Variants in PTK2 observed in about 807,000 individuals in gnomAD.
The protein encoded by PTK2 is focal adhesion kinase 1.
PTK2 carries 45 observed loss-of-function variants against 150.1 expected under a neutral mutation model. The ratio of observed to expected loss-of-function variants is 0.30; its 90% confidence interval spans 0.24 to 0.38. The LOEUF (loss-of-function observed/expected upper bound fraction) is 0.38. PTK2 is among the 10% of genes least tolerant of loss of function. The probability of loss-of-function intolerance (pLI) is 1.00; values close to 1 mark genes in which losing one functional copy is unlikely to be tolerated. For synonymous variants in PTK2, 432 were observed against 449.2 expected, an observed-to-expected ratio of 0.96 and a Z score of 0.48; for missense variants, 919 against 1,307.3, an observed-to-expected ratio of 0.70 and a Z score of 4.58.
At chr8:140,661,059 C>A (rs565014201) in intron 31 of PTK2, among the ~76,000 whole-genome samples, 1 of 152,286 alleles carries the variant, frequency 6.6e-6, no homozygotes, top group East Asian at 1.9e-4. Flanking sequence ...TGCATTCTGT[C>A]TCAGAGAGGG....
intron 14 of PTK2, 106 bp from the exon 16 acceptor site, chr8:140,769,698 G>A (rs1349060667): frequency 4.8e-6 from 3 of 631,064 alleles, no homozygotes; most frequent in African/African-American, 3.9e-5. Flanking sequence ...AAAATGACAA[G>A]TAAACCAAAG....
At chr8:140,791,393 A>G (rs1255914535) in intron 13 of PTK2, among the ~76,000 whole-genome samples, 1 of 152,188 alleles carries the variant, frequency 6.6e-6, no homozygotes. Context: ...AAGGTACTCT[A>G]AATAAACATC....
exon 32 of PTK2, chr8:140,659,542 G>A (rs1296372669): frequency 6.2e-7 from 1 of 1,613,794 alleles, no homozygotes; most frequent in Non-Finnish European, 8.5e-7. Flanking sequence ...GGCATCCACA[G>A]CCAGGGCGTG....
At chr8:140,814,206 G>C (rs938978844) in intron 10 of PTK2, among the ~76,000 whole-genome samples, 1 of 152,134 alleles carries the variant, frequency 6.6e-6, no homozygotes, top group Admixed American at 6.5e-5. Context: ...TGGATTCACA[G>C]CCAAATTCTA....
intron 26 of PTK2, among the ~76,000 whole-genome samples, chr8:140,694,373 T>C (rs866809541): frequency 1.3e-5 from 2 of 152,154 alleles, no homozygotes; most frequent in Non-Finnish European, 2.9e-5. Flanking sequence ...TTATAGCAAT[T>C]TGAAACAGTA....
chr8:140,819,566 A>C (rs1228763530), intron 8 of PTK2, among the ~76,000 whole-genome samples: 2 of 152,258 alleles, frequency 1.3e-5, no homozygotes, highest in African/African-American at 4.8e-5. Flanking sequence ...ACTATGGTGT[A>C]TCTATCTTCT....
At chr8:140,913,608 T>C (rs1361719045) in intron 2 of PTK2, among the ~76,000 whole-genome samples, 1 of 152,026 alleles carries the variant, frequency 6.6e-6, no homozygotes, top group Non-Finnish European at 1.5e-5. Flanking sequence ...AAAATTAAAC[T>C]TAAAAGCCAA....
Position 140,673,238 on chromosome 8 carries a change from G to C in PTK2, c.2709+1060C>G, listed in dbSNP as rs189660737. On this transcript the variant is annotated intron_variant, in intron 29 of 31. Transcript: ENST00000522684. ...TTCTCCTGCCTCAGCCACCTGAGTA[G>C]CTGGGATTGCAGACATGCACCACCA... Among the ~76,000 whole-genome samples the C allele has an allele frequency of 3.7e-4, 57 of 152,110 alleles. 1 individual carries two copies. The highest frequency in any genetic ancestry group is 2.0e-3 in the Admixed American group (31 of 15,264).
chr8:140,865,152 T>C (rs1218987314), intron 4 of PTK2, among the ~76,000 whole-genome samples: 1 of 152,256 alleles, frequency 6.6e-6, no homozygotes. Context: ...TTGGCATTTC[T>C]TTGGTAAGTA....
intron 30 of PTK2, among the ~76,000 whole-genome samples, chr8:140,666,614 C>G (rs55873916): frequency 0.037 from 5,645 of 152,130 alleles, 339 homozygotes; most frequent in African/African-American, 0.13. Flanking sequence ...AATAACCCCC[C>G]AGAAAATAAC....
intron 31 of PTK2, among the ~76,000 whole-genome samples, chr8:140,661,820 A>G (rs916524692): frequency 4.6e-5 from 7 of 152,192 alleles, no homozygotes; most frequent in Non-Finnish European, 8.8e-5. Flanking sequence ...CTGTTACAGC[A>G]GAGAGAGTTC....
At chr8:140,875,303 C>T (rs1328798917) in intron 4 of PTK2, among the ~76,000 whole-genome samples, 2 of 151,982 alleles carry the variant, frequency 1.3e-5, no homozygotes, top group East Asian at 1.9e-4. Flanking sequence ...ACAAAGAAAG[C>T]GTTAATTAAG....
intron 1 of PTK2, among the ~76,000 whole-genome samples, chr8:140,944,201 G>A (rs569994962): frequency 6.6e-6 from 1 of 152,240 alleles, no homozygotes; most frequent in East Asian, 1.9e-4. Flanking sequence ...GTTTTGACGA[G>A]TATTTTATGA....
At chr8:140,750,938 C>T (rs969616221) in intron 17 of PTK2, among the ~76,000 whole-genome samples, 2 of 152,024 alleles carry the variant, frequency 1.3e-5, no homozygotes, top group African/African-American at 4.8e-5. Context: ...AACAAAAAAA[C>T]CAACCAACCA....
chr8:140,719,069 G>C (rs1374453181), intron 22 of PTK2, among the ~76,000 whole-genome samples: 1 of 152,024 alleles, frequency 6.6e-6, no homozygotes, highest in African/African-American at 2.4e-5. Flanking sequence ...CCAGCTACTC[G>C]GGAGGCTGAG....
At chr8:140,785,275 C>A (rs2100084296) in intron 14 of PTK2, among the ~76,000 whole-genome samples, 1 of 152,192 alleles carries the variant, frequency 6.6e-6, no homozygotes, top group Non-Finnish European at 1.5e-5. Flanking sequence ...ACCCAGCACA[C>A]CTCCATACCT....
At chr8:140,689,904 T>G (rs2100022096) in intron 26 of PTK2, among the ~76,000 whole-genome samples, 1 of 152,176 alleles carries the variant, frequency 6.6e-6, no homozygotes, top group African/African-American at 2.4e-5. Flanking sequence ...TGGAGGTGAT[T>G]AGGTTTGACT....
At position 140,818,863 on chromosome 8, in the gene PTK2, C is replaced by T. The variant is rs776003328; in HGVS notation, c.789+17G>A. 11 of 1,608,428 alleles carry T rather than the reference C, an allele frequency of 6.8e-6. No individual in the cohort carries two copies. The highest frequency in any genetic ancestry group is 4.2e-6 in the Non-Finnish European group (5 of 1,177,976). On this transcript the variant is annotated intron_variant, in intron 9 of 31. Coordinates refer to ENST00000522684, the Ensembl canonical transcript of PTK2. The stretch of plus-strand genomic sequence containing the variant: ...AAAATCAAACTAGCCCACTATTTCC[C>T]ATATTCCCATACTTACACCAAGAGC...
intron 1 of PTK2, among the ~76,000 whole-genome samples, chr8:140,999,116 TCA>T (rs2100198990): frequency 6.6e-6 from 1 of 152,226 alleles, no homozygotes; most frequent in South Asian, 2.1e-4. Context: ...CCATCTCCTC[TCA>T]GAGTTTGCCC....
Sources: allele counts gnomAD v4.1 joint callset (sites outside exome capture counted in the v4.1 genomes callset), GRCh38; gene constraint gnomAD v4.1.1; transcripts MANE v1.5; gene names NCBI Gene and HGNC (gene_info 2026-07-23, HGNC 2026-07-21).